The following ERC1 variants were observed in gnomAD, a reference collection of about 807,000 sequenced individuals.
The protein encoded by ERC1 is ELKS/RAB6-interacting/CAST family member 1.
ERC1 carries 56 observed loss-of-function variants against 132.0 expected under a neutral mutation model. That is an observed-to-expected ratio of 0.42 (90% CI 0.34 to 0.53). The LOEUF (loss-of-function observed/expected upper bound fraction) is 0.53. ERC1 is among the 20% of genes least tolerant of loss of function. The pLI, the probability that ERC1 is intolerant of heterozygous loss-of-function variation, is 0.03. For missense variants in ERC1, 1,202 were observed against 1,349.9 expected, an observed-to-expected ratio of 0.89 and a Z score of 1.72; for synonymous variants, 478 against 476.1, an observed-to-expected ratio of 1.00 and a Z score of -0.05.
chr12:1,363,048 A>G (rs2086282749), intron 15 of ERC1, among the ~76,000 whole-genome samples: 1 of 152,210 alleles, frequency 6.6e-6, no homozygotes, highest in South Asian at 2.1e-4. Context: ...GTCAAGCTAC[A>G]GTCATTTCCA....
intron 14 of ERC1, among the ~76,000 whole-genome samples, chr12:1,281,974 C>T (rs1594757991): frequency 6.6e-6 from 1 of 151,984 alleles, no homozygotes; most frequent in East Asian, 1.9e-4. Flanking sequence ...TCAAACCCTA[C>T]TTAGGAGTGA....
intron 1 of ERC1, among the ~76,000 whole-genome samples, chr12:1,027,018 A>G (rs1416246877): frequency 6.6e-6 from 1 of 152,228 alleles, no homozygotes; most frequent in Non-Finnish European, 1.5e-5. Flanking sequence ...TTGTCTTCTC[A>G]TCCATGAACA....
At chr12:1,050,251 A>C (rs573423992) in intron 2 of ERC1, among the ~76,000 whole-genome samples, 1 of 152,192 alleles carries the variant, frequency 6.6e-6, no homozygotes, top group Admixed American at 6.5e-5. Context: ...ACGTCAGGAT[A>C]AGATCTAAGA....
chr12:1,287,734 T>TG lies in ERC1; in HGVS notation c.2620-2116dup, dbSNP rs955217088. On this transcript the variant is annotated intron_variant, in intron 14 of 18. Coordinates refer to ENST00000360905, the MANE Select transcript of ERC1 (RefSeq NM_178040.4). ...TGGCTCTCCTGGCTTTTCAAGCCTT[T>TG]GGATTTGGGTTGGAACTATGCCACT... Among the ~76,000 whole-genome samples the TG allele has an allele frequency of 3.9e-5, 6 of 152,326 alleles. No homozygotes were observed. The South Asian group carries it at 6.2e-4, about 16-fold the overall frequency.
intron 12 of ERC1, among the ~76,000 whole-genome samples, chr12:1,201,803 G>T (rs1217287438): frequency 6.6e-6 from 1 of 152,162 alleles, no homozygotes; most frequent in Non-Finnish European, 1.5e-5. Flanking sequence ...AATTCATGAG[G>T]AAAGTGTCTC....
At chr12:1,029,308 C>T (rs993025149) in intron 2 of ERC1, among the ~76,000 whole-genome samples, 10 of 151,892 alleles carry the variant, frequency 6.6e-5, no homozygotes, top group African/African-American at 2.4e-4. Flanking sequence ...GCTGAGATCC[C>T]GCCACTGCAC....
intron 17 of ERC1, among the ~76,000 whole-genome samples, chr12:1,409,881 G>T (rs1479767104): frequency 6.6e-6 from 1 of 151,966 alleles, no homozygotes; most frequent in African/African-American, 2.4e-5. Context: ...GCTAATGTTT[G>T]TATTTTAGTT....
At chr12:1,326,614 T>C (rs2082462585) in intron 15 of ERC1, among the ~76,000 whole-genome samples, 1 of 152,212 alleles carries the variant, frequency 6.6e-6, no homozygotes, top group Non-Finnish European at 1.5e-5. Context: ...AGGTGATATT[T>C]TAGACGTAGA....
At position 1,027,968 on chromosome 12, in the gene ERC1, C is replaced by G; in HGVS notation, c.65C>G (p.Pro22Arg). ...AGCAGCCAGAGCCCTGGGCGTTCAC[C>G]CAGGCTTCCACGTTCCCCTCGCTTG... ...EPSSQSPGRS[P>R]RLPRSPRLGH... is the part of the protein sequence containing the mutation. The change falls in exon 2 of 19, where the codon CCC (proline) becomes CGC (arginine). Residue 22 changes from proline to arginine, a missense_variant. Pro to Arg is a moderately radical substitution (Grantham distance 103). Transcript: ENST00000360905. The G allele has an allele frequency of 1.2e-6, 2 of 1,614,090 alleles. No homozygotes were observed. The highest frequency in any genetic ancestry group is 1.7e-6 in the Non-Finnish European group (2 of 1,179,986).
At chr12:1,096,038 G>T (rs1344720397) in intron 3 of ERC1, among the ~76,000 whole-genome samples, 1 of 151,120 alleles carries the variant, frequency 6.6e-6, no homozygotes, top group African/African-American at 2.4e-5. Context: ...CAGTCCTCCT[G>T]CCTCAGCCCC....
At chr12:1,076,384 T>C (rs914838328) in intron 2 of ERC1, among the ~76,000 whole-genome samples, 1 of 149,320 alleles carries the variant, frequency 6.7e-6, no homozygotes, top group Non-Finnish European at 1.5e-5. Context: ...GAACTGATTT[T>C]TTTTTTCTTT....
At chr12:1,281,704 A>G (rs1265877813) in intron 14 of ERC1, among the ~76,000 whole-genome samples, 3 of 152,224 alleles carry the variant, frequency 2.0e-5, no homozygotes, top group Non-Finnish European at 4.4e-5. Context: ...TCAAAGCATG[A>G]TGTAGGCTGA....
At chr12:1,451,205 G>A (rs73597998) in intron 18 of ERC1, among the ~76,000 whole-genome samples, 1 of 152,098 alleles carries the variant, frequency 6.6e-6, no homozygotes, top group East Asian at 1.9e-4. Flanking sequence ...ATATTTTATA[G>A]AGATTAAGAT....
chr12:1,211,108 G>C (rs951085634), intron 12 of ERC1, among the ~76,000 whole-genome samples: 1 of 152,074 alleles, frequency 6.6e-6, no homozygotes, highest in Non-Finnish European at 1.5e-5. Flanking sequence ...GAAACTGTTA[G>C]TGAAAAATAA....
intron 8 of ERC1, among the ~76,000 whole-genome samples, chr12:1,166,437 C>T (rs1261321581): frequency 6.6e-6 from 1 of 152,162 alleles, no homozygotes; most frequent in Non-Finnish European, 1.5e-5. Flanking sequence ...TCTTCCCAGT[C>T]TCAGATATGT....
chr12:1,374,381 C>T (rs976178242), intron 16 of ERC1, among the ~76,000 whole-genome samples: 15 of 152,060 alleles, frequency 9.9e-5, no homozygotes, highest in Admixed American at 9.2e-4. Flanking sequence ...CTCTAACCAC[C>T]GCCCCCCCAC....
chr12:1,102,377 C>T (rs543533799), intron 3 of ERC1, among the ~76,000 whole-genome samples: 1 of 152,074 alleles, frequency 6.6e-6, no homozygotes, highest in East Asian at 1.9e-4. Context: ...CTGAGGAATA[C>T]AGAAGACAGT....
At chr12:1,340,185 G>T (rs143250688) in intron 15 of ERC1, among the ~76,000 whole-genome samples, 5 of 152,224 alleles carry the variant, frequency 3.3e-5, no homozygotes, top group African/African-American at 9.6e-5. Context: ...CTGCAAGCAG[G>T]CACAGCTAGG....
At chr12:1,276,723 G>A (rs2078300769) in intron 14 of ERC1, among the ~76,000 whole-genome samples, 1 of 152,100 alleles carries the variant, frequency 6.6e-6, no homozygotes, top group Non-Finnish European at 1.5e-5. Flanking sequence ...GTCTACCATT[G>A]CACCTGGTAC....
Sources: gnomAD v4.1 joint callset for allele counts (sites outside exome capture counted in the v4.1 genomes callset) on GRCh38, gnomAD v4.1.1 for gene constraint, MANE v1.5 for transcripts, NCBI Gene and HGNC (gene_info 2026-07-23, HGNC 2026-07-21) for gene names.